Variants in GBGT1 observed in about 807,000 individuals in gnomAD.
The protein encoded by GBGT1 is globoside alpha-1,3-N-acetylgalactosaminyltransferase 1.
A neutral mutation model predicts 20.9 loss-of-function variants in GBGT1; 18 were observed. That is an observed-to-expected ratio of 0.86 (90% confidence interval 0.60 to 1.28). The LOEUF (loss-of-function observed/expected upper bound fraction) is 1.28. Ranked by LOEUF, GBGT1 falls within the 50% of genes most tolerant of loss-of-function variation. GBGT1 has a pLI of 0.00. For missense variants in GBGT1, 432 were observed against 455.7 expected (o/e 0.95, Z 0.47); for synonymous variants, 168 against 180.8 (o/e 0.93, Z 0.57).
chr9:133,153,898 A>G lies in GBGT1; in HGVS notation c.723T>C (p.Tyr241=), dbSNP rs1223493079. 2.5e-6 allele frequency: 4 copies of G among 1,604,934 alleles called. No individual in the cohort carries two copies. In the African/African-American group the frequency reaches 4.0e-5, roughly 16 times the overall value. The change falls in exon 7 of 7, where the codon TAT becomes TAC. Residue 241 remains tyrosine, a synonymous_variant. Coordinates refer to ENST00000372040, the MANE Select transcript of GBGT1 (RefSeq NM_021996.6). The stretch of plus-strand genomic sequence containing the variant: ...AGGCAGTGGAAACACGCCTGCGCTC[A>G]TAGGGGAACTGCTGGCGGGGAACGG... The part of the protein sequence containing the change: ...YYAVPRQQFP[Y]ERRRVSTAFV...
chr9:133,162,355 G>A lies in GBGT1; in HGVS notation c.58C>T (p.Leu20Phe), dbSNP rs2073924. The part of the protein sequence containing the change: ...LGFCLLAGTS[L>F]SVLWVYLENW... ...GGGCAGACTCACCACAGGACACTGA[G>A]GCTTGTGCCCGCCAACAGGCAGAAC... Residue 20 changes from leucine (L) to phenylalanine (F), a missense_variant, in exon 2 of 7, where the codon CTC becomes TTC. By Grantham distance (22) the Leu-to-Phe change is conservative. Transcript: ENST00000372040. 0.12 allele frequency: 150,060 copies of A among 1,248,388 alleles called. 21,095 individuals are homozygous for A. The highest frequency in any genetic ancestry group is 0.53 in the East Asian group (20,246 of 38,398). The allele number at this position is 1,248,388 out of a possible 1,614,324, so 77.3% of individuals were successfully genotyped here. A position where few individuals can be genotyped will look rare whatever the true frequency, so the allele number is the denominator to read the frequency against.
intron 3 of GBGT1, among the ~76,000 whole-genome samples, chr9:133,158,587 T>C (rs1832944388): frequency 6.6e-6 from 1 of 152,224 alleles, no homozygotes. Context: ...CCTGGTCCCC[T>C]GTGAGTTTCA....
Position 133,154,079 on chromosome 9 carries a change from ATGGATGTCTC to A in GBGT1, c.532_541del (p.Glu178CysfsTer121). On this transcript the variant is annotated frameshift_variant, in exon 7 of 7. Coordinates refer to ENST00000372040, the MANE Select transcript of GBGT1 (RefSeq NM_021996.6). LOFTEE classifies it low-confidence loss of function (END_TRUNC). This position sits in a 1 kb window ranked among gnomAD's most constrained non-coding sequence, Gnocchi z 4.2. Reference sequence around the variant, plus strand: ...CTGGCTGATGGTCTCCATCCGGCGCATGGATGTCTCCTCCCAGTGGGAGTGACCCTGGATG... The same window carrying A: ...CTGGCTGATGGTCTCCATCCGGCGCACTCCCAGTGGGAGTGACCCTGGATG... The A allele has an allele frequency of 6.2e-7, 1 of 1,613,422 alleles. No homozygotes were observed. The highest frequency in any genetic ancestry group is 2.2e-5 in the East Asian group (1 of 44,878).
chr9:133,163,086 T>G (rs1192651296), intron 1 of GBGT1: 1 of 152,874 alleles, frequency 6.5e-6, no homozygotes, highest in African/African-American at 2.4e-5. Flanking sequence ...GTCTCCGTAC[T>G]AGGTCCATTG....
At chr9:133,161,179 T>G in intron 3 of GBGT1, 1 of 423,604 alleles carries the variant, frequency 2.4e-6, no homozygotes, top group Non-Finnish European at 4.2e-6. Context: ...TGGGCATCTT[T>G]GCACTCTGTG....
At chr9:133,155,501 C>T (rs995521008) in intron 5 of GBGT1, among the ~76,000 whole-genome samples, 189 bp from the exon 6 acceptor site, 2 of 152,126 alleles carry the variant, frequency 1.3e-5, no homozygotes, top group African/African-American at 4.8e-5. Context: ...CAGGAGTTAA[C>T]GCACACCAAG....
At chr9:133,160,810 G>A (rs1833015910) in intron 3 of GBGT1, among the ~76,000 whole-genome samples, 1 of 152,118 alleles carries the variant, frequency 6.6e-6, no homozygotes, top group Non-Finnish European at 1.5e-5. Context: ...AGGAGTTTGA[G>A]ACCAGCCTGG....
intron 3 of GBGT1, among the ~76,000 whole-genome samples, chr9:133,160,641 A>G (rs1833009954): frequency 6.6e-6 from 1 of 152,220 alleles, no homozygotes; most frequent in Non-Finnish European, 1.5e-5. Context: ...GGAGCAACCT[A>G]AATCCCGAGA....
chr9:133,161,740 C>T (rs1588592563), intron 2 of GBGT1, among the ~76,000 whole-genome samples: 2 of 152,284 alleles, frequency 1.3e-5, no homozygotes, highest in South Asian at 2.1e-4. Context: ...TGCAGTCATT[C>T]ATTCACCCAT....
At position 133,155,220 on chromosome 9, in the gene GBGT1, G is replaced by A; in HGVS notation, c.317C>T (p.Pro106Leu). The A allele has an allele frequency of 6.2e-7, 1 of 1,614,096 alleles. No individual in the cohort carries two copies. Among genetic ancestry groups the A allele is most frequent in the Non-Finnish European group, 8.5e-7 (1 of 1,179,992 alleles). Residue 106 changes from proline (P) to leucine (L), a missense_variant, in exon 6 of 7, where the codon CCA becomes CTA. Coordinates refer to ENST00000372040, the MANE Select transcript of GBGT1 (RefSeq NM_021996.6). Reference protein sequence around the residue: ...NPELLQHIYQPLNLTIGVTVF... With the variant: ...NPELLQHIYQLLNLTIGVTVF... The stretch of plus-strand genomic sequence containing the variant: ...CGTGACCCCAATGGTCAGGTTCAGT[G>A]GCTGGTAGATGTGCTGCAGAAGCTC...
chr9:133,154,103 T>C lies in GBGT1; in HGVS notation c.518A>G (p.His173Arg). Residue 173 changes from histidine (H) to arginine (R), a missense_variant, in exon 7 of 7, where the codon CAC becomes CGC. Physicochemically the swap from His to Arg is conservative, Grantham distance 29. Coordinates refer to ENST00000372040, the MANE Select transcript of GBGT1 (RefSeq NM_021996.6). The surrounding 1 kb of genome is among the most constrained non-coding windows in gnomAD (Gnocchi z 4.2). ...RLLSSIPIQGHSHWEETSMRR... is the reference protein window; with the variant it reads ...RLLSSIPIQGRSHWEETSMRR... Reference sequence around the variant, plus strand: ...CATGGATGTCTCCTCCCAGTGGGAGTGACCCTGGATGGGGATGGAGCTGAG... The same window carrying C: ...CATGGATGTCTCCTCCCAGTGGGAGCGACCCTGGATGGGGATGGAGCTGAG... 6.2e-7 allele frequency: 1 copy of C among 1,612,032 alleles called. No homozygotes were observed. The highest frequency in any genetic ancestry group is 8.5e-7 in the Non-Finnish European group (1 of 1,178,916).
intron 3 of GBGT1, chr9:133,160,327 A>C (rs1385522096): frequency 6.6e-6 from 1 of 151,520 alleles, no homozygotes; most frequent in East Asian, 1.9e-4. Flanking sequence ...AATTTATACC[A>C]AAGAGGATAG....
At position 133,154,913 on chromosome 9, in the gene GBGT1, G is replaced by A. The variant is rs1294354017; in HGVS notation, c.359+265C>T. 2.3e-6 allele frequency: 1 copy of A among 426,598 alleles called. No individual in the cohort carries two copies. 26.4% of individuals were successfully genotyped at this position (426,598 alleles called of 1,614,324 possible). The stretch of plus-strand genomic sequence containing the variant: ...AGGGGTCTAGATGAAACAGGGAGGG[G>A]CAAGGGGGCCTCCTGACAAAGGCTC... On this transcript the variant is annotated intron_variant, in intron 6 of 6. Coordinates refer to ENST00000372040, the MANE Select transcript of GBGT1 (RefSeq NM_021996.6). The surrounding 1 kb of genome is among the most constrained non-coding windows in gnomAD (Gnocchi z 4.2).
chr9:133,162,464 G>A lies in GBGT1; in HGVS notation c.-52C>T, dbSNP rs749106719. The A allele has an allele frequency of 2.5e-4, 363 of 1,459,846 alleles. 1 individual carries two copies. Among genetic ancestry groups the A allele is most frequent in the Non-Finnish European group, 3.2e-4 (339 of 1,057,974 alleles). 90.4% of individuals were successfully genotyped at this position (1,459,846 alleles called of 1,614,324 possible). On this transcript the variant is annotated 5_prime_UTR_variant, in exon 2 of 7. Transcript: ENST00000372040. ...CACTTGTAGAGACCCCCACTGGCCT[G>A]GGCGGATGAGGCTGTCCCCTCGCAG... is the stretch of plus-strand genomic sequence containing the variant.
intron 3 of GBGT1, among the ~76,000 whole-genome samples, chr9:133,158,811 G>A (rs1011191740): frequency 3.9e-5 from 6 of 152,098 alleles, no homozygotes; most frequent in Non-Finnish European, 7.4e-5. Flanking sequence ...AAGGAAGCTC[G>A]GTCCTCATTA....
In GBGT1 at chr9:133,161,476, G is replaced by A. The variant is rs774311365; in HGVS notation, c.128C>T (p.Pro43Leu). 1.9e-6 allele frequency: 3 copies of A among 1,608,032 alleles called. No individual in the cohort carries two copies. The Admixed American group carries it at 5.0e-5, about 27-fold the overall frequency. ...CCACACCCATACTTACAAGATCTCTGGGCAGGGGAGATAATAGGGGACATA... is the reference window on the plus strand; with the variant it reads ...CCACACCCATACTTACAAGATCTCTAGGCAGGGGAGATAATAGGGGACATA... Reference protein sequence around the residue: ...VSYVPYYLPCPEIFNMKLHYK... With the variant: ...VSYVPYYLPCLEIFNMKLHYK... The change falls in exon 3 of 7, where the codon CCA (proline) becomes CTA (leucine). Residue 43 changes from proline to leucine, a missense_variant. By Grantham distance (98) the Pro-to-Leu change is moderately conservative. Transcript: ENST00000372040.
Position 133,153,673 on chromosome 9 carries a change from G to C in GBGT1, c.948C>G (p.Pro316=). ...GCTTCCTGTCGTCCCAGAGGTACTC[G>C]GGGGACAGCACCTTGGACGGCTTGT... ...ISNKPSKVLS[P]EYLWDDRKPQ... Residue 316 remains proline (P), a synonymous_variant, in exon 7 of 7, where the codon CCC becomes CCG. Transcript: ENST00000372040. 3.1e-6 allele frequency: 5 copies of C among 1,612,974 alleles called. No individual in the cohort carries two copies. The highest frequency in any genetic ancestry group is 4.2e-6 in the Non-Finnish European group (5 of 1,179,306).
Position 133,162,466 on chromosome 9 carries a change from G to A in GBGT1, c.-54C>T. 1 of 1,446,496 alleles carries A rather than the reference G, an allele frequency of 6.9e-7. No individual in the cohort carries two copies. Among genetic ancestry groups the A allele is most frequent in the Non-Finnish European group, 9.6e-7 (1 of 1,045,916 alleles). The allele number at this position is 1,446,496 out of a possible 1,614,324, so 89.6% of individuals were successfully genotyped here. A position where few individuals can be genotyped will look rare whatever the true frequency, so the allele number is the denominator to read the frequency against. ...CTTGTAGAGACCCCCACTGGCCTGG[G>A]CGGATGAGGCTGTCCCCTCGCAGGG... On this transcript the variant is annotated 5_prime_UTR_variant, in exon 2 of 7. Transcript: ENST00000372040.
intron 3 of GBGT1, 89 bp from the exon 4 acceptor site, chr9:133,156,154 C>G (rs540191535): frequency 1.4e-6 from 2 of 1,438,636 alleles, no homozygotes; most frequent in South Asian, 2.4e-5. Context: ...GAGGCCCCTG[C>G]GGGTGGGCAC....
Sources: allele counts gnomAD v4.1 joint callset (sites outside exome capture counted in the v4.1 genomes callset), GRCh38; gene constraint gnomAD v4.1.1; non-coding constraint Gnocchi (gnomAD v3.1); transcripts MANE v1.5; gene names NCBI Gene and HGNC (gene_info 2026-07-23, HGNC 2026-07-21).